SYT14: variants seen among roughly 807,000 people sequenced by gnomAD.
SYT14 encodes the protein synaptotagmin-14.
In SYT14, 32 loss-of-function variants were observed where a neutral mutation model predicts 74.2. The observed-to-expected ratio is 0.43, with a 90% CI of 0.33 to 0.58. SYT14 has a LOEUF of 0.58. Ranked by LOEUF, SYT14 falls within the 20% of genes least tolerant of loss-of-function variation. The pLI is 0.05. For missense variants in SYT14, 791 were observed against 981.8 expected (o/e 0.81, Z 2.60); for synonymous variants, 298 against 337.7 (o/e 0.88, Z 1.29).
At chr1:210,104,226 A>T (rs1400240648) in intron 7 of SYT14, among the ~76,000 whole-genome samples, 1 of 152,246 alleles carries the variant, frequency 6.6e-6, no homozygotes, top group Non-Finnish European at 1.5e-5. Flanking sequence ...TCCTTGGCAG[A>T]AAAGAATCCA....
intron 2 of SYT14, among the ~76,000 whole-genome samples, chr1:209,990,524 C>CATATATATATATACGT (rs2079645632): frequency 3.0e-4 from 1 of 3,388 alleles, no homozygotes; most frequent in African/African-American, 4.5e-4. Context: ...GAATATTTCA[C>CATATATATATATACGT]ATATATATAT....
At chr1:209,984,318 C>G (rs1402746339) in intron 2 of SYT14, among the ~76,000 whole-genome samples, 1 of 152,154 alleles carries the variant, frequency 6.6e-6, no homozygotes, top group Non-Finnish European at 1.5e-5. Context: ...TACTGAGTTT[C>G]AGCAGTCTCT....
intron 7 of SYT14, among the ~76,000 whole-genome samples, chr1:210,109,922 G>A (rs1396936642): frequency 1.3e-5 from 2 of 152,150 alleles, no homozygotes; most frequent in Admixed American, 1.3e-4. Context: ...ACACACCATG[G>A]AATACTATGC....
chr1:209,987,933 G>A (rs1278042347), intron 2 of SYT14, among the ~76,000 whole-genome samples: 1 of 151,930 alleles, frequency 6.6e-6, no homozygotes, highest in Non-Finnish European at 1.5e-5. Context: ...ATGTTCCTTT[G>A]TGTAGTTTTC....
intron 5 of SYT14, among the ~76,000 whole-genome samples, chr1:210,035,207 C>T (rs367956230): frequency 2.1e-4 from 32 of 151,648 alleles, no homozygotes; most frequent in African/African-American, 7.5e-4. Flanking sequence ...AAAATGTACA[C>T]CTTCTTTTGC....
intron 5 of SYT14, among the ~76,000 whole-genome samples, chr1:210,040,485 C>T (rs887509105): frequency 1.3e-5 from 2 of 151,316 alleles, no homozygotes; most frequent in African/African-American, 4.9e-5. Flanking sequence ...TCACGTTCTG[C>T]ACATGTAACC....
At chr1:210,098,193 A>G (rs912713061) in intron 6 of SYT14, among the ~76,000 whole-genome samples, 13 of 151,804 alleles carry the variant, frequency 8.6e-5, no homozygotes, top group Admixed American at 6.6e-5. Flanking sequence ...AAAAAAAATT[A>G]AGGACTCATG....
intron 8 of SYT14, among the ~76,000 whole-genome samples, chr1:210,158,140 A>T (rs1430474206): frequency 6.6e-6 from 1 of 152,234 alleles, no homozygotes; most frequent in Non-Finnish European, 1.5e-5. Flanking sequence ...CTCATTTCAG[A>T]AGGAGAAATT....
At chr1:209,981,647 C>T (rs2079489876) in intron 2 of SYT14, among the ~76,000 whole-genome samples, 2 of 151,744 alleles carry the variant, frequency 1.3e-5, no homozygotes, top group Middle Eastern at 3.4e-3. Flanking sequence ...GGAGAGATGA[C>T]GTCTTGCTAT....
intron 2 of SYT14, among the ~76,000 whole-genome samples, chr1:209,989,811 G>A (rs144870105): frequency 2.6e-5 from 4 of 152,154 alleles, no homozygotes; most frequent in Middle Eastern, 3.4e-3. Flanking sequence ...TTTGCCTAGT[G>A]TGTATATATG....
chr1:210,010,086 G>C (rs950216049), intron 2 of SYT14, among the ~76,000 whole-genome samples: 2 of 152,088 alleles, frequency 1.3e-5, no homozygotes, highest in African/African-American at 2.4e-5. Flanking sequence ...AAGAACTGAA[G>C]ATATTTTACC....
intron 2 of SYT14, among the ~76,000 whole-genome samples, chr1:209,968,856 A>G (rs1349879161): frequency 6.6e-6 from 1 of 151,998 alleles, no homozygotes; most frequent in Non-Finnish European, 1.5e-5. Flanking sequence ...GGTAGTGAAC[A>G]TAGTATCCAA....
intron 2 of SYT14, among the ~76,000 whole-genome samples, chr1:209,971,101 C>T (rs1480372402): frequency 1.3e-5 from 2 of 152,102 alleles, no homozygotes; most frequent in African/African-American, 4.8e-5. Context: ...GATCATTCAC[C>T]TCCTTGCTTA....
intron 7 of SYT14, among the ~76,000 whole-genome samples, chr1:210,147,414 G>T (rs1357570270): frequency 2.6e-5 from 4 of 152,002 alleles, no homozygotes; most frequent in Admixed American, 2.6e-4. Flanking sequence ...GTTTTAAACA[G>T]GATTATTAAA....
chr1:210,139,414 T>C (rs1455050017), intron 7 of SYT14, among the ~76,000 whole-genome samples: 2 of 151,900 alleles, frequency 1.3e-5, no homozygotes, highest in African/African-American at 4.8e-5. Flanking sequence ...TGAAAACCAC[T>C]GGATTAAATT....
chr1:210,072,980 T>A (rs2081422356), intron 5 of SYT14, among the ~76,000 whole-genome samples: 1 of 147,240 alleles, frequency 6.8e-6, no homozygotes, highest in Non-Finnish European at 1.5e-5. Context: ...ACAAAATTCT[T>A]TAAAGATTTC....
exon 10 of SYT14, chr1:210,168,908 C>T (rs2083486917): frequency 1.3e-5 from 2 of 152,118 alleles, no homozygotes. Flanking sequence ...GATCAGTATC[C>T]CAGAACCCTG....
chr1:209,938,360 C>G, intron 1 of SYT14, 83 bp downstream of exon 1: 4 of 1,416,862 alleles, frequency 2.8e-6, no homozygotes, highest in Non-Finnish European at 3.8e-6. Context: ...CAGGCCGAGG[C>G]GCTGACGGGG....
exon 10 of SYT14, chr1:210,167,002 CAA>C (rs1213724755): frequency 6.6e-6 from 1 of 152,088 alleles, no homozygotes; most frequent in East Asian, 1.9e-4. Context: ...ATACATTTTT[CAA>C]AGTGTTTCTT....
Sources: gnomAD v4.1 joint callset for allele counts (sites outside exome capture counted in the v4.1 genomes callset) on GRCh38, gnomAD v4.1.1 for gene constraint, MANE v1.5 for transcripts, NCBI Gene and HGNC (gene_info 2026-07-23, HGNC 2026-07-21) for gene names.